Variants in CRYM observed in about 807,000 individuals in gnomAD.
The protein encoded by CRYM is ketimine reductase mu-crystallin.
Under a neutral mutation model 32.9 loss-of-function variants are expected in CRYM, and 18 were observed. The ratio of observed to expected loss-of-function variants is 0.55; its 90% CI spans 0.38 to 0.81. The LOEUF is 0.81. Ranked by LOEUF, CRYM falls within the 30% of genes least tolerant of loss-of-function variation. The pLI, the probability that CRYM is intolerant of heterozygous loss-of-function variation, is 0.00. For synonymous variants in CRYM, 153 were observed against 152.4 expected (o/e 1.00, Z -0.03); for missense variants, 337 against 393.5 (o/e 0.86, Z 1.21).
intron 3 of CRYM, among the ~76,000 whole-genome samples, chr16:21,272,659 T>G (rs915374778): frequency 3.3e-5 from 5 of 151,310 alleles, no homozygotes; most frequent in African/African-American, 9.7e-5. Context: ...GAATTTTTTT[T>G]TTTTTTTTGG....
intron 1 of CRYM, among the ~76,000 whole-genome samples, chr16:21,291,412 A>G (rs1309744952): frequency 6.6e-6 from 1 of 152,144 alleles, no homozygotes; most frequent in East Asian, 1.9e-4. Flanking sequence ...GAATAATTCT[A>G]CCTACATTAC....
intron 5 of CRYM, among the ~76,000 whole-genome samples, chr16:21,264,806 G>A (rs1350589742): frequency 1.1e-4 from 16 of 152,092 alleles, no homozygotes; most frequent in Admixed American, 9.8e-4. Context: ...CATATGGTGG[G>A]AAATTTGGGT....
chr16:21,280,728 G>A (rs1418822019), upstream of CRYM, among the ~76,000 whole-genome samples: 4 of 152,192 alleles, frequency 2.6e-5, no homozygotes, highest in Non-Finnish European at 4.4e-5. Context: ...CAGAGTTTTT[G>A]TTTTCTCCAG....
At chr16:21,272,794 C>T (rs1045247782) in intron 3 of CRYM, among the ~76,000 whole-genome samples, 1 of 147,428 alleles carries the variant, frequency 6.8e-6, no homozygotes, top group Non-Finnish European at 1.5e-5. Flanking sequence ...GGATTACAGG[C>T]ACCTGCCACC....
At chr16:21,262,707 G>A (rs192836705) in intron 5 of CRYM, among the ~76,000 whole-genome samples, 1 of 152,152 alleles carries the variant, frequency 6.6e-6, no homozygotes, top group Non-Finnish European at 1.5e-5. Context: ...ATTTTGAGAC[G>A]ACATAGCATT....
At chr16:21,273,199 C>T (rs769059980) in intron 3 of CRYM, among the ~76,000 whole-genome samples, 13 of 152,050 alleles carry the variant, frequency 8.5e-5, no homozygotes, top group Non-Finnish European at 1.9e-4. Flanking sequence ...GACCCAAGCA[C>T]AAAAAATGTA....
Position 21,269,888 on chromosome 16 carries a change from G to T in CRYM, c.391C>A (p.Leu131Met), listed in dbSNP as rs2093371654. 1 of 1,610,866 alleles carries T rather than the reference G, an allele frequency of 6.2e-7. No individual in the cohort carries two copies. The highest frequency in any genetic ancestry group is 1.3e-5 in the African/African-American group (1 of 74,872). Residue 131 changes from leucine (L) to methionine (M), a missense_variant, in exon 4 of 8, where the codon CTG becomes ATG. Physicochemically the swap from Leu to Met is conservative, Grantham distance 15. Transcript: ENST00000572914. ...AAVSAIATKF[L>M]KPPSSEVLCI... ...AGCACTTCACTGCTGGGAGGTTTCA[G>T]AAACTATATGAGAGAAATGAAGTGG...
Position 21,268,954 on chromosome 16 carries a change from G to C in CRYM, c.489+836C>G, listed in dbSNP as rs529896454. Reference sequence around the variant, plus strand: ...AGGTCAGAAGTTCCAGACTAGCCTGGCCAACATGGTGAAACCCCATCTCTA... The same window carrying C: ...AGGTCAGAAGTTCCAGACTAGCCTGCCCAACATGGTGAAACCCCATCTCTA... On this transcript the variant is annotated intron_variant, in intron 4 of 7. Transcript: ENST00000572914. Among the ~76,000 whole-genome samples, 246 of 152,060 alleles carry C rather than the reference G, an allele frequency of 1.6e-3. 2 individuals are homozygous for C. Among genetic ancestry groups the C allele is most frequent in the African/African-American group, 5.4e-3 (226 of 41,472 alleles).
At position 21,258,825 on chromosome 16, in the gene CRYM, C is replaced by T. The variant is rs2093349100; in HGVS notation, c.901G>A (p.Val301Ile). 6.2e-7 allele frequency: 1 copy of T among 1,614,036 alleles called. No individual in the cohort carries two copies. The highest frequency in any genetic ancestry group is 8.5e-7 in the Non-Finnish European group (1 of 1,180,022). The change falls in exon 8 of 8, where the codon GTT (valine) becomes ATT (isoleucine). Residue 301 changes from valine (V) to isoleucine (I), a missense_variant. By Grantham distance (29) the Val-to-Ile change is conservative. Coordinates refer to ENST00000572914, the MANE Select transcript of CRYM (RefSeq NM_001376256.1). ...KSLGMAVEDT[V>I]AAKLIYDSWS... ...GAATCATAGATGAGTTTGGCTGCAACTGTGTCTTCCACTGCCATTCCTAGA... is the reference window on the plus strand; with the variant it reads ...GAATCATAGATGAGTTTGGCTGCAATTGTGTCTTCCACTGCCATTCCTAGA...
chr16:21,286,861 C>G (rs1276858277), intron 1 of CRYM, among the ~76,000 whole-genome samples: 1 of 151,944 alleles, frequency 6.6e-6, no homozygotes, highest in Non-Finnish European at 1.5e-5. Flanking sequence ...GAGGCCAAGG[C>G]GGGTGGATCA....
Position 21,258,594 on chromosome 16 carries a change from A to G in CRYM, c.*187T>C. On this transcript the variant is annotated 3_prime_UTR_variant, in exon 8 of 8. Transcript: ENST00000572914. ...ATGCTATTATAACTTGGTAGAACAG[A>G]AGAAATGGCTACCTAGCTTTGCTTT... is the stretch of plus-strand genomic sequence containing the variant. The G allele has an allele frequency of 1.5e-6, 1 of 646,508 alleles. No homozygotes were observed. The allele number at this position is 646,508 out of a possible 1,614,324, so 40.0% of individuals were successfully genotyped here. A position where few individuals can be genotyped will look rare whatever the true frequency, so the allele number is the denominator to read the frequency against.
chr16:21,270,265 A>C (rs113987928), intron 3 of CRYM, among the ~76,000 whole-genome samples: 6 of 150,422 alleles, frequency 4.0e-5, no homozygotes, highest in Admixed American at 6.6e-5. Context: ...TTATTTATTT[A>C]TTTCTTTTTC....
At chr16:21,278,803 G>A (rs961636673), upstream of CRYM, 13 of 153,778 alleles carry the variant, frequency 8.5e-5, no homozygotes, top group African/African-American at 2.7e-4. Context: ...ACCCCCAGAT[G>A]TCTGGCCTTT....
chr16:21,294,309 C>A (rs977759334), intron 1 of CRYM, among the ~76,000 whole-genome samples: 1 of 152,062 alleles, frequency 6.6e-6, no homozygotes, highest in Admixed American at 6.6e-5. Context: ...CTGGAGGGTG[C>A]GGAGCAGAAT....
intron 5 of CRYM, 33 bp from the exon 6 acceptor site, chr16:21,262,191 G>T (rs377008965): frequency 1.9e-6 from 3 of 1,613,388 alleles, no homozygotes; most frequent in South Asian, 1.1e-5. Flanking sequence ...TTAAGCCCAG[G>T]ATTAGTGCCA....
rs187261684 is a variant in CRYM at position 21,272,884 on chromosome 16, T to A, written c.387+2648A>T. 4.7e-4 allele frequency among the ~76,000 whole-genome samples: 68 copies of A among 145,228 alleles called. 1 individual carries two copies. The highest frequency in any genetic ancestry group is 2.7e-4 in the Non-Finnish European group (18 of 66,606). On this transcript the variant is annotated intron_variant, in intron 3 of 7. Transcript: ENST00000572914. ...GGTTTTTCCATGTTGGTCAGGCTGG[T>A]CTTGAACTCCTGACCTCAGGTAATC...
intron 3 of CRYM, among the ~76,000 whole-genome samples, chr16:21,270,446 G>A (rs1008973902): frequency 5.9e-5 from 9 of 152,152 alleles, no homozygotes; most frequent in African/African-American, 2.2e-4. Context: ...ACAACACCCA[G>A]CTAATTTTTG....
chr16:21,278,421 G>T (rs2093392169), upstream of CRYM: 1 of 762,736 alleles, frequency 1.3e-6, no homozygotes, highest in Non-Finnish European at 2.2e-6. Flanking sequence ...CTCCCCCTTC[G>T]CCCACCTCGA....
At chr16:21,266,466 C>A (rs912165665) in intron 5 of CRYM, among the ~76,000 whole-genome samples, 1 of 152,098 alleles carries the variant, frequency 6.6e-6, no homozygotes, top group African/African-American at 2.4e-5. Flanking sequence ...TGCTATAACA[C>A]CCAGGGCCAT....
Sources: gnomAD v4.1 joint callset for allele counts (sites outside exome capture counted in the v4.1 genomes callset) on GRCh38, gnomAD v4.1.1 for gene constraint, MANE v1.5 for transcripts, NCBI Gene and HGNC (gene_info 2026-07-23, HGNC 2026-07-21) for gene names.